PDZRN3: variants seen among roughly 807,000 people sequenced by gnomAD.
The protein encoded by PDZRN3 is PDZ domain containing ring finger 3, also known as E3 ubiquitin-protein ligase PDZRN3.
In PDZRN3, 38 loss-of-function variants were observed where a neutral mutation model predicts 85.7. The observed-to-expected ratio is 0.44, with a 90% CI of 0.34 to 0.58. The LOEUF (loss-of-function observed/expected upper bound fraction) is 0.58, where lower values mean the gene tolerates loss of function less well. Among genes scored for constraint, PDZRN3 ranks in the 20% least tolerant of loss-of-function variants. The pLI, the probability that PDZRN3 is intolerant of heterozygous loss-of-function variation, is 0.01. For missense variants in PDZRN3, 1,629 were observed against 1,506.4 expected, an observed-to-expected ratio of 1.08 and a Z score of -1.35; for synonymous variants, 759 against 638.0, an observed-to-expected ratio of 1.19 and a Z score of -2.86.
intron 3 of PDZRN3, among the ~76,000 whole-genome samples, chr3:73,451,811 T>C (rs567158485): frequency 1.2e-4 from 18 of 152,180 alleles, no homozygotes; most frequent in African/African-American, 4.1e-4. Context: ...GTCATCAGCT[T>C]TCTGCCTATT....
chr3:73,433,201 A>G (rs980114631), intron 3 of PDZRN3, among the ~76,000 whole-genome samples: 2 of 152,238 alleles, frequency 1.3e-5, no homozygotes, highest in African/African-American at 2.4e-5. Context: ...GAACCAAGTC[A>G]GCAGAGGGCT....
chr3:73,481,025 G>C (rs1053828872), intron 3 of PDZRN3, among the ~76,000 whole-genome samples: 4 of 152,158 alleles, frequency 2.6e-5, no homozygotes, highest in South Asian at 2.1e-4. Context: ...TAGGGAATTA[G>C]GGCTTGAGTA....
chr3:73,452,795 T>A (rs1702891050), intron 3 of PDZRN3, among the ~76,000 whole-genome samples: 2 of 151,168 alleles, frequency 1.3e-5, no homozygotes, highest in Non-Finnish European at 2.9e-5. Flanking sequence ...TTTAAGATAT[T>A]CATGAGGCAA....
intron 1 of PDZRN3, among the ~76,000 whole-genome samples, chr3:73,616,743 C>T (rs1279877680): frequency 6.6e-6 from 1 of 152,152 alleles, no homozygotes; most frequent in Non-Finnish European, 1.5e-5. Flanking sequence ...TCAAGAAATG[C>T]TTGATAAGAC....
chr3:73,462,130 T>A (rs993734365), intron 3 of PDZRN3, among the ~76,000 whole-genome samples: 2 of 152,188 alleles, frequency 1.3e-5, no homozygotes, highest in African/African-American at 4.8e-5. Flanking sequence ...ATAGATTACA[T>A]GTTTGCAATG....
chr3:73,439,267 T>A (rs1244881825), intron 3 of PDZRN3, among the ~76,000 whole-genome samples: 2 of 152,240 alleles, frequency 1.3e-5, no homozygotes, highest in Non-Finnish European at 2.9e-5. Flanking sequence ...GTCACTTTTC[T>A]GGGCTTTGGG....
intron 6 of PDZRN3, 142 bp from the exon 7 acceptor site, chr3:73,390,020 G>A (rs564161866): frequency 3.5e-5 from 24 of 687,762 alleles, no homozygotes; most frequent in African/African-American, 5.3e-5. Context: ...ACTTAGTGTC[G>A]TGCAAGGAGA....
chr3:73,447,251 TAGTC>T lies in PDZRN3; in HGVS notation c.919-42860_919-42857del, dbSNP rs574361551. ...CTCCCTTCAGTTGCACTGCTTCTCTTAGTCTGTGCAGGAAATCGAAGCCTCGTGC... is the reference window on the plus strand; with the variant it reads ...CTCCCTTCAGTTGCACTGCTTCTCTTTGTGCAGGAAATCGAAGCCTCGTGC... On this transcript the variant is annotated intron_variant, in intron 3 of 9. Coordinates refer to ENST00000263666, the MANE Select transcript of PDZRN3 (RefSeq NM_015009.3). Among the ~76,000 whole-genome samples the T allele has an allele frequency of 3.3e-4, 50 of 152,074 alleles. No homozygotes were observed. In the South Asian group the frequency reaches 0.01, roughly 31 times the overall value.
intron 3 of PDZRN3, among the ~76,000 whole-genome samples, chr3:73,601,598 C>A (rs1247504568): frequency 1.3e-5 from 2 of 152,120 alleles, no homozygotes; most frequent in African/African-American, 2.4e-5. Flanking sequence ...AAAAATTACT[C>A]ATTTATATCA....
At chr3:73,431,650 G>A (rs551303995) in intron 3 of PDZRN3, among the ~76,000 whole-genome samples, 1 of 152,336 alleles carries the variant, frequency 6.6e-6, no homozygotes, top group South Asian at 2.1e-4. Flanking sequence ...GTTGGCACAA[G>A]GGTAATGGGT....
chr3:73,398,143 C>T (rs936597334), intron 5 of PDZRN3, among the ~76,000 whole-genome samples: 12 of 152,172 alleles, frequency 7.9e-5, no homozygotes, highest in African/African-American at 1.7e-4. Context: ...TAAACACCTG[C>T]GTTGTGTCTG....
At chr3:73,420,557 T>TC (rs1425774859) in intron 3 of PDZRN3, among the ~76,000 whole-genome samples, 3 of 152,202 alleles carry the variant, frequency 2.0e-5, no homozygotes, top group African/African-American at 7.2e-5. Context: ...ACCCTTATTC[T>TC]CCACTGTTCC....
At chr3:73,590,843 A>G (rs987155887) in intron 3 of PDZRN3, among the ~76,000 whole-genome samples, 18 of 152,174 alleles carry the variant, frequency 1.2e-4, no homozygotes, top group African/African-American at 4.3e-4. Context: ...ATCCAATAAT[A>G]ATGCTGCAAC....
At chr3:73,618,354 C>T (rs140401401) in intron 1 of PDZRN3, among the ~76,000 whole-genome samples, 6 of 152,148 alleles carry the variant, frequency 3.9e-5, no homozygotes, top group South Asian at 2.1e-4. Flanking sequence ...AGAAGGGCAC[C>T]GCCCCAGGAA....
At chr3:73,562,877 AC>A (rs2106832433) in intron 3 of PDZRN3, among the ~76,000 whole-genome samples, 1 of 151,012 alleles carries the variant, frequency 6.6e-6, no homozygotes, top group South Asian at 2.1e-4. Context: ...GATACTGTCA[AC>A]ATAAAACATT....
At chr3:73,492,149 C>T (rs1252574222) in intron 3 of PDZRN3, among the ~76,000 whole-genome samples, 1 of 152,200 alleles carries the variant, frequency 6.6e-6, no homozygotes, top group African/African-American at 2.4e-5. Flanking sequence ...CTGAGCATAT[C>T]AGGCCCCCAA....
intron 3 of PDZRN3, among the ~76,000 whole-genome samples, chr3:73,447,863 C>A (rs988518722): frequency 6.6e-6 from 1 of 152,190 alleles, no homozygotes; most frequent in African/African-American, 2.4e-5. Context: ...TTAACTCTTC[C>A]CTGGTCCTTT....
intron 3 of PDZRN3, among the ~76,000 whole-genome samples, chr3:73,471,001 C>T (rs954404442): frequency 1.3e-5 from 2 of 152,176 alleles, no homozygotes; most frequent in African/African-American, 4.8e-5. Flanking sequence ...CCCTCCACCC[C>T]CGACTGACTC....
At chr3:73,607,753 G>C (rs1702624328) in intron 2 of PDZRN3, among the ~76,000 whole-genome samples, 1 of 150,606 alleles carries the variant, frequency 6.6e-6, no homozygotes, top group Non-Finnish European at 1.5e-5. Flanking sequence ...CTTGTTTCTT[G>C]TCTGACATCC....
Sources: allele counts gnomAD v4.1 joint callset (sites outside exome capture counted in the v4.1 genomes callset), GRCh38; gene constraint gnomAD v4.1.1; transcripts MANE v1.5; gene names NCBI Gene and HGNC (gene_info 2026-07-23, HGNC 2026-07-21).